Variants in PPIL3 observed in about 807,000 individuals in gnomAD.
PPIL3 encodes the protein peptidylprolyl isomerase like 3, also known as peptidyl-prolyl cis-trans isomerase-like 3.
A neutral mutation model predicts 20.9 loss-of-function variants in PPIL3; 13 were observed. The ratio of observed to expected loss-of-function variants is 0.62; its 90% CI spans 0.40 to 0.99. The LOEUF (loss-of-function observed/expected upper bound fraction) is 0.99. PPIL3 is among the 50% of genes least tolerant of loss of function. The pLI, the probability that PPIL3 is intolerant of heterozygous loss-of-function variation, is 0.00. For missense variants in PPIL3, 170 were observed against 195.2 expected (o/e 0.87, Z 0.77); for synonymous variants, 71 against 64.4 (o/e 1.10, Z -0.49).
In PPIL3 at chr2:200,887,700, A is replaced by T; in HGVS notation, c.-70-15T>A. 8.8e-7 allele frequency: 1 copy of T among 1,137,430 alleles called. No homozygotes were observed. The allele number at this position is 1,137,430 out of a possible 1,614,324, so 70.5% of individuals were successfully genotyped here. The stretch of plus-strand genomic sequence containing the variant: ...AAAATAAGTCTCTAGTCCCAAAAGA[A>T]AAAAAGAATTAGGCTCATTTTCCTG... On this transcript the variant is annotated splice_polypyrimidine_tract_variant and intron_variant, in intron 1 of 6. Transcript: ENST00000392283.
chr2:200,876,312 AAAAAAG>A (rs1424175288), intron 6 of PPIL3, among the ~76,000 whole-genome samples: 2 of 151,894 alleles, frequency 1.3e-5, no homozygotes, highest in Non-Finnish European at 2.9e-5. Flanking sequence ...TTTCGTCTCA[AAAAAAG>A]AAAAAGAAAA....
At chr2:200,885,351 A>G in intron 3 of PPIL3, 1 of 360,294 alleles carries the variant, frequency 2.8e-6, no homozygotes, top group East Asian at 3.9e-5. Context: ...AGCCTGGGGG[A>G]CACAGCGAGA....
intron 5 of PPIL3, among the ~76,000 whole-genome samples, chr2:200,877,318 TTCTC>T (rs111786195): frequency 1.3e-5 from 2 of 152,208 alleles, no homozygotes; most frequent in Non-Finnish European, 2.9e-5. Context: ...TTTAACCAAC[TTCTC>T]TCTATTAGGG....
chr2:200,875,980 G>A (rs751865217), intron 6 of PPIL3, among the ~76,000 whole-genome samples: 17 of 152,052 alleles, frequency 1.1e-4, no homozygotes, highest in Admixed American at 2.6e-4. Flanking sequence ...TGACAGAGGC[G>A]CCTAGAACAC....
chr2:200,879,514 GA>G (rs1313672805), intron 5 of PPIL3, among the ~76,000 whole-genome samples: 3 of 152,084 alleles, frequency 2.0e-5, no homozygotes, highest in African/African-American at 7.2e-5. Context: ...TTATTTTTAG[GA>G]GGGCAAGGCC....
At chr2:200,887,732 C>T in intron 1 of PPIL3, 47 bp from the exon 2 acceptor site, 5 of 771,582 alleles carry the variant, frequency 6.5e-6, no homozygotes, top group Non-Finnish European at 1.0e-5. Context: ...CCTGTCTTAA[C>T]TCACACACGC....
At chr2:200,884,394 C>T (rs1015465036) in intron 3 of PPIL3, among the ~76,000 whole-genome samples, 2 of 151,850 alleles carry the variant, frequency 1.3e-5, no homozygotes, top group South Asian at 2.1e-4. Flanking sequence ...AAGAGCAAAA[C>T]TCTGTCTCAA....
intron 5 of PPIL3, 74 bp from the exon 6 acceptor site, chr2:200,877,111 G>T: frequency 1.0e-6 from 1 of 981,058 alleles, no homozygotes; most frequent in Non-Finnish European, 1.6e-6. Flanking sequence ...AACAAGACAG[G>T]CACACCTTTG....
intron 5 of PPIL3, among the ~76,000 whole-genome samples, chr2:200,881,017 G>C (rs945802830): frequency 6.6e-6 from 1 of 152,140 alleles, no homozygotes; most frequent in African/African-American, 2.4e-5. Flanking sequence ...AACAGAAGAT[G>C]ATAAAAGCTG....
At position 200,880,559 on chromosome 2, in the gene PPIL3, T is replaced by C. The variant is rs563374355; in HGVS notation, c.240+862A>G. 7.9e-5 allele frequency among the ~76,000 whole-genome samples: 12 copies of C among 152,094 alleles called. No individual in the cohort carries two copies. In the South Asian group the frequency reaches 2.5e-3, roughly 32 times the overall value. On this transcript the variant is annotated intron_variant, in intron 5 of 6. Transcript: ENST00000392283. ...CCACTATAACAGGCTAATATTTGTA[T>C]TTTTTTGTGGAGATGGGGGTCTCAC...
intron 3 of PPIL3, among the ~76,000 whole-genome samples, chr2:200,882,987 T>C (rs2039791541): frequency 6.6e-6 from 1 of 151,622 alleles, no homozygotes; most frequent in Non-Finnish European, 1.5e-5. Flanking sequence ...TCATCACATA[T>C]ACTAAGAACT....
intron 1 of PPIL3, chr2:200,888,519 CTCT>C (rs761957038): frequency 7.0e-5 from 13 of 184,974 alleles, no homozygotes; most frequent in Non-Finnish European, 1.1e-4. Context: ...CTATGAACTT[CTCT>C]TTTTTTTTCA....
In PPIL3 at chr2:200,876,951, T is replaced by C. The variant is rs1239604959; in HGVS notation, c.327A>G (p.Pro109=). Residue 109 remains proline, a synonymous_variant, in exon 6 of 7, where the codon CCA becomes CCG. Coordinates refer to ENST00000392283, the MANE Select transcript of PPIL3 (RefSeq NM_130906.3). ...ATACGGTGTATTTCATGTCCAAATGTGGCTGTTTGCCATAGGTGATGAAGA... is the reference window on the plus strand; with the variant it reads ...ATACGGTGTATTTCATGTCCAAATGCGGCTGTTTGCCATAGGTGATGAAGA... ...SQFFITYGKQ[P]HLDMKYTVFG... 6.2e-7 allele frequency: 1 copy of C among 1,613,028 alleles called. No homozygotes were observed. The highest frequency in any genetic ancestry group is 1.7e-5 in the Admixed American group (1 of 60,020).
At chr2:200,887,825 G>A (rs1024626322) in intron 1 of PPIL3, 140 bp from the exon 2 acceptor site, 17 of 373,450 alleles carry the variant, frequency 4.6e-5, no homozygotes, top group Non-Finnish European at 7.7e-5. Context: ...GGGAGGCCGA[G>A]GCGGGTGGAT....
chr2:200,877,817 C>T (rs1404280856), intron 5 of PPIL3, among the ~76,000 whole-genome samples: 1 of 152,190 alleles, frequency 6.6e-6, no homozygotes, highest in Non-Finnish European at 1.5e-5. Context: ...GTGTTCCACT[C>T]ATGGGCAGTC....
chr2:200,882,411 T>G lies in PPIL3; in HGVS notation c.103A>C (p.Asn35His). The G allele has an allele frequency of 6.2e-7, 1 of 1,606,516 alleles. No homozygotes were observed. The highest frequency in any genetic ancestry group is 8.5e-7 in the Non-Finnish European group (1 of 1,173,128). ...CENFLALCAS[N>H]YYNGCIFHRN... ...TGAAATATACAGCCATTGTAGTAAT[T>G]ACTGGCACAAAGAGCCAAGAAATTC... Residue 35 changes from asparagine to histidine, a missense_variant, in exon 4 of 7, where the codon AAT becomes CAT. Physicochemically the swap from Asn to His is moderately conservative, Grantham distance 68. Transcript: ENST00000392283.
At chr2:200,884,679 G>A (rs948142692) in intron 3 of PPIL3, among the ~76,000 whole-genome samples, 14 of 151,972 alleles carry the variant, frequency 9.2e-5, no homozygotes, top group Admixed American at 7.2e-4. Flanking sequence ...GGTTGAGGCT[G>A]CAATGAGCCG....
At chr2:200,889,224 G>A, upstream of PPIL3, 1 of 358,412 alleles carries the variant, frequency 2.8e-6, no homozygotes, top group South Asian at 2.1e-5. Flanking sequence ...ACTGGGACAA[G>A]AAGTGTAAGG....
chr2:200,887,868 C>T (rs958192168), intron 1 of PPIL3, among the ~76,000 whole-genome samples, 183 bp from the exon 2 acceptor site: 1 of 151,888 alleles, frequency 6.6e-6, no homozygotes, highest in Non-Finnish European at 1.5e-5. Flanking sequence ...ACCAGCCTGG[C>T]CAACATGGCG....
Sources: gnomAD v4.1 joint callset for allele counts (sites outside exome capture counted in the v4.1 genomes callset) on GRCh38, gnomAD v4.1.1 for gene constraint, MANE v1.5 for transcripts, NCBI Gene and HGNC (gene_info 2026-07-23, HGNC 2026-07-21) for gene names.